FAM222B: variants seen among roughly 807,000 people sequenced by gnomAD.
The protein encoded by FAM222B is protein FAM222B.
In FAM222B, 12 loss-of-function variants were observed where a neutral mutation model predicts 38.0. That is an observed-to-expected ratio of 0.32 (90% CI 0.20 to 0.51). FAM222B has a LOEUF of 0.51. Among genes scored for constraint, FAM222B ranks in the 20% least tolerant of loss-of-function variants. The pLI, the probability that FAM222B is intolerant of heterozygous loss-of-function variation, is 0.97. For missense variants in FAM222B, 716 were observed against 754.2 expected, an observed-to-expected ratio of 0.95 and a Z score of 0.59; for synonymous variants, 329 against 317.2, an observed-to-expected ratio of 1.04 and a Z score of -0.40.
intron 1 of FAM222B, among the ~76,000 whole-genome samples, chr17:28,820,835 A>C (rs2038187792): frequency 6.6e-6 from 1 of 151,360 alleles, no homozygotes; most frequent in Non-Finnish European, 1.5e-5. Context: ...ATGGGTTTTC[A>C]CCATGTTGGC....
rs762661365 is a variant in FAM222B at position 28,758,419 on chromosome 17, C to T, written c.1540G>A (p.Val514Met). ...TGGAAATCCCCACTTAGGTAATCCA[C>T]TGTTTGCATCAAGCTGTTCTGGCTT... The part of the protein sequence containing the change: ...VASQNSLMQT[V>M]DYLSGDFQQA... Residue 514 changes from valine (V) to methionine (M), a missense_variant, in exon 3 of 3, where the codon GTG becomes ATG. Transcript: ENST00000581407. 1 of 1,613,962 alleles carries T rather than the reference C, an allele frequency of 6.2e-7. No homozygotes were observed. The highest frequency in any genetic ancestry group is 1.1e-5 in the South Asian group (1 of 91,082).
chr17:28,845,197 C>T (rs1284726103), upstream of FAM222B, among the ~76,000 whole-genome samples: 3 of 151,630 alleles, frequency 2.0e-5, no homozygotes, highest in South Asian at 4.2e-4. Context: ...GTCAGGAAAT[C>T]GAGACCATCC....
At chr17:28,804,484 G>T (rs561319979) in intron 1 of FAM222B, among the ~76,000 whole-genome samples, 2 of 151,914 alleles carry the variant, frequency 1.3e-5, no homozygotes, top group Non-Finnish European at 2.9e-5. Context: ...ACAGGCACGC[G>T]CCACCACGCC....
chr17:28,769,610 G>C (rs572024147), intron 1 of FAM222B, among the ~76,000 whole-genome samples: 57 of 152,312 alleles, frequency 3.7e-4, no homozygotes, highest in African/African-American at 1.3e-3. Context: ...TCTGTTAACT[G>C]AAAGTCAGAG....
In FAM222B at chr17:28,758,557, A is replaced by C. The variant is rs912500113; in HGVS notation, c.1402T>G (p.Ser468Ala). 1.9e-6 allele frequency: 3 copies of C among 1,609,734 alleles called. No homozygotes were observed. The African/African-American group carries it at 4.0e-5, about 22-fold the overall frequency. ...LPTPNSDSSG[S>A]QDLAMPFHGG... ...TGGAACGGCATGGCAAGGTCCTGAGACCCCGAGCTGTCGCTATTGGGAGTG... is the reference window on the plus strand; with the variant it reads ...TGGAACGGCATGGCAAGGTCCTGAGCCCCCGAGCTGTCGCTATTGGGAGTG... Residue 468 changes from serine (S) to alanine (A), a missense_variant, in exon 3 of 3, where the codon TCT (serine) becomes GCT (alanine). Physicochemically the swap from Ser to Ala is moderately conservative, Grantham distance 99 (BLOSUM62 1). Coordinates refer to ENST00000581407, the MANE Select transcript of FAM222B (RefSeq NM_001077498.3).
intron 1 of FAM222B, among the ~76,000 whole-genome samples, chr17:28,835,390 G>A (rs746074057): frequency 7.9e-5 from 12 of 152,000 alleles, no homozygotes; most frequent in Non-Finnish European, 1.3e-4. Flanking sequence ...CCCTCCCAGC[G>A]CCTAGTACAA....
At chr17:28,764,481 G>A (rs2035236658) in intron 2 of FAM222B, among the ~76,000 whole-genome samples, 2 of 151,778 alleles carry the variant, frequency 1.3e-5, no homozygotes, top group African/African-American at 4.8e-5. Flanking sequence ...GGGTGTGGTG[G>A]CTCACACCTG....
At chr17:28,821,786 A>G (rs548866978) in intron 1 of FAM222B, among the ~76,000 whole-genome samples, 52 of 151,770 alleles carry the variant, frequency 3.4e-4, no homozygotes, top group Non-Finnish European at 6.3e-4. Flanking sequence ...ACATGGTGAA[A>G]CCCCATCTCT....
intron 1 of FAM222B, among the ~76,000 whole-genome samples, chr17:28,767,776 G>A (rs1048972963): frequency 7.2e-5 from 11 of 152,010 alleles, no homozygotes; most frequent in African/African-American, 1.7e-4. Flanking sequence ...GCACCCGGCC[G>A]AACTCACTTT....
At chr17:28,760,179 T>C (rs1042851822) in intron 2 of FAM222B, among the ~76,000 whole-genome samples, 1 of 152,174 alleles carries the variant, frequency 6.6e-6, no homozygotes, top group Non-Finnish European at 1.5e-5. Context: ...ATGAGGTAAG[T>C]AGAGATCAGA....
At chr17:28,824,181 A>ATT (rs1303140162) in intron 1 of FAM222B, among the ~76,000 whole-genome samples, 2 of 140,344 alleles carry the variant, frequency 1.4e-5, no homozygotes, top group South Asian at 2.3e-4. Context: ...CCGGCCGAGA[A>ATT]TTTTTTTTTT....
chr17:28,792,795 A>AAAG (rs1555576400), intron 1 of FAM222B, among the ~76,000 whole-genome samples: 1 of 150,282 alleles, frequency 6.7e-6, no homozygotes, highest in Non-Finnish European at 1.5e-5. Flanking sequence ...AAAAAAAAAA[A>AAAG]AAAGAAAGAA....
rs144167716 is a variant in FAM222B, at chr17:28,762,861, C to T, written c.83-2985G>A. On this transcript the variant is annotated intron_variant, in intron 2 of 2. Transcript: ENST00000581407. ...AGGCTGAGGCAAAGAATTGCTTAAA[C>T]CCGGGAGGCAGGGTTGCAGTGAGCC... Among the ~76,000 whole-genome samples, 542 of 151,630 alleles carry T rather than the reference C, an allele frequency of 3.6e-3. 6 individuals are homozygous for T. Among genetic ancestry groups the T allele is most frequent in the East Asian group, 0.019 (98 of 5,140 alleles).
At chr17:28,840,458 A>G (rs1327765372) in intron 1 of FAM222B, among the ~76,000 whole-genome samples, 1 of 152,108 alleles carries the variant, frequency 6.6e-6, no homozygotes, top group African/African-American at 2.4e-5. Context: ...ACGTCTCAGG[A>G]GTGTTTCTTC....
At chr17:28,782,066 T>A (rs1259451849) in intron 1 of FAM222B, among the ~76,000 whole-genome samples, 1 of 152,200 alleles carries the variant, frequency 6.6e-6, no homozygotes, top group African/African-American at 2.4e-5. Flanking sequence ...TGGCTCACAC[T>A]TGTAATTCCA....
intron 1 of FAM222B, among the ~76,000 whole-genome samples, chr17:28,793,110 GT>G (rs941010173): frequency 6.6e-6 from 1 of 151,758 alleles, no homozygotes; most frequent in Non-Finnish European, 1.5e-5. Flanking sequence ...TAATTTTAAA[GT>G]TTTTTGTAGA....
upstream of FAM222B, among the ~76,000 whole-genome samples, chr17:28,846,357 CTG>C (rs953534004): frequency 2.6e-5 from 4 of 151,522 alleles, no homozygotes; most frequent in African/African-American, 9.7e-5. Flanking sequence ...CCGAGTGAGA[CTG>C]TGTCTCAAAA....
Position 28,766,659 on chromosome 17 carries a change from G to A in FAM222B, c.9C>T (p.Ala3=). 6.2e-7 allele frequency: 1 copy of A among 1,602,740 alleles called. No homozygotes were observed. The highest frequency in any genetic ancestry group is 8.5e-7 in the Non-Finnish European group (1 of 1,174,482). The change falls in exon 2 of 3, where the codon GCC becomes GCT. Residue 3 remains alanine (A), a synonymous_variant. Coordinates refer to ENST00000581407, the MANE Select transcript of FAM222B (RefSeq NM_001077498.3). ML[A]CLPGPGDLSF... ...ACAGGTCACCTGGCCCTGGTAGACA[G>A]GCTAGCATGGCAGATTGGCATCAAC...
chr17:28,786,114 G>C (rs2036400781), intron 1 of FAM222B, among the ~76,000 whole-genome samples: 1 of 151,936 alleles, frequency 6.6e-6, no homozygotes, highest in African/African-American at 2.4e-5. Context: ...TTACAGGTGT[G>C]AGCCACCACA....
Sources: allele counts gnomAD v4.1 joint callset (sites outside exome capture counted in the v4.1 genomes callset), GRCh38; gene constraint gnomAD v4.1.1; transcripts MANE v1.5; gene names NCBI Gene and HGNC (gene_info 2026-07-23, HGNC 2026-07-21).